SCIMP: variants seen among roughly 807,000 people sequenced by gnomAD.
SCIMP encodes SLP adapter and CSK-interacting membrane protein.
A neutral mutation model predicts 22.0 loss-of-function variants in SCIMP; 18 were observed. The observed-to-expected ratio is 0.82, with a 90% CI of 0.56 to 1.21. The LOEUF (loss-of-function observed/expected upper bound fraction) is 1.21, where lower values mean the gene tolerates loss of function less well. Among genes scored for constraint, SCIMP ranks in the 50% most tolerant of loss-of-function variants. The pLI is 0.00. For missense variants in SCIMP, 155 were observed against 171.2 expected, an observed-to-expected ratio of 0.91 and a Z score of 0.53; for synonymous variants, 53 against 62.2, an observed-to-expected ratio of 0.85 and a Z score of 0.70.
In SCIMP at chr17:5,214,463, G is replaced by A. The variant is rs186178909; in HGVS notation, c.283+462C>T. On this transcript the variant is annotated intron_variant, in intron 4 of 4. Coordinates refer to ENST00000574081, the MANE Select transcript of SCIMP (RefSeq NM_207103.3). ...CCCAGCTACTCAGGAGGCTGAGGTG[G>A]GAGAATGGTGTGAACCTGGGAGGCG... 668 of 154,480 alleles carry A rather than the reference G, an allele frequency of 4.3e-3. 1 individual carries two copies. Among genetic ancestry groups the A allele is most frequent in the Non-Finnish European group, 7.0e-3 (485 of 69,622 alleles). 9.6% of individuals were successfully genotyped at this position (154,480 alleles called of 1,614,324 possible). A position where few individuals can be genotyped will look rare whatever the true frequency, so the allele number is the denominator to read the frequency against.
intron 3 of SCIMP, among the ~76,000 whole-genome samples, chr17:5,216,020 G>A (rs1478097888): frequency 6.6e-6 from 1 of 151,888 alleles, no homozygotes; most frequent in East Asian, 1.9e-4. Context: ...GGGCAACACA[G>A]GGAGACCCAG....
At chr17:5,215,646 G>A (rs2074560442) in intron 3 of SCIMP, among the ~76,000 whole-genome samples, 1 of 151,960 alleles carries the variant, frequency 6.6e-6, no homozygotes, top group African/African-American at 2.4e-5. Context: ...AAAAACAAAA[G>A]CAGATGAACT....
At chr17:5,221,391 A>G (rs2074606729) in intron 2 of SCIMP, 41 bp from the exon 3 acceptor site, 2 of 1,495,498 alleles carry the variant, frequency 1.3e-6, no homozygotes, top group Non-Finnish European at 1.9e-6. Flanking sequence ...AGAATTAGCA[A>G]AAGTTGTGAT....
At chr17:5,215,263 T>C (rs895081093) in intron 3 of SCIMP, 2 of 356,132 alleles carry the variant, frequency 5.6e-6, no homozygotes, top group Non-Finnish European at 1.0e-5. Context: ...GGAGCACACC[T>C]TCCTGGTTCA....
At chr17:5,213,391 T>A in intron 4 of SCIMP, 1 of 248,456 alleles carries the variant, frequency 4.0e-6, no homozygotes, top group Non-Finnish European at 6.4e-6. Context: ...GGACTATAAG[T>A]GTGCACCATC....
intron 3 of SCIMP, among the ~76,000 whole-genome samples, chr17:5,216,686 C>CA (rs1003737910): frequency 6.6e-5 from 10 of 151,650 alleles, no homozygotes; most frequent in South Asian, 4.2e-4. Flanking sequence ...AAACAAAAAA[C>CA]AAAAAAAACC....
chr17:5,220,826 G>A (rs1282269791), intron 3 of SCIMP: 1 of 248,500 alleles, frequency 4.0e-6, no homozygotes, highest in South Asian at 4.3e-5. Flanking sequence ...GAGAAGCCAA[G>A]GTGGGTGGAT....
Position 5,210,968 on chromosome 17 carries a change from A to G in SCIMP, c.284-13T>C, listed in dbSNP as rs2074522292. 6.3e-7 allele frequency: 1 copy of G among 1,593,262 alleles called. No individual in the cohort carries two copies. The highest frequency in any genetic ancestry group is 1.4e-5 in the African/African-American group (1 of 73,422). On this transcript the variant is annotated splice_polypyrimidine_tract_variant and intron_variant, in intron 4 of 4. Coordinates refer to ENST00000574081, the MANE Select transcript of SCIMP (RefSeq NM_207103.3). ...GCTTCCTGTGGGGCTAGAATACACA[A>G]AAAGCTCCTTAGATGCAAAGCTGTC...
At chr17:5,222,277 G>A (rs973862931) in intron 2 of SCIMP, among the ~76,000 whole-genome samples, 23 of 151,818 alleles carry the variant, frequency 1.5e-4, no homozygotes, top group Admixed American at 1.4e-3. Context: ...ATTTTAAGTA[G>A]AAACGGGGTT....
intron 1 of SCIMP, among the ~76,000 whole-genome samples, chr17:5,225,800 G>A (rs1266588273): frequency 2.0e-5 from 3 of 151,672 alleles, no homozygotes; most frequent in Admixed American, 1.3e-4. Flanking sequence ...AGAGGGAGTT[G>A]TGAGAACCCC....
chr17:5,231,943 CT>C (rs2074699328), intron 1 of SCIMP, among the ~76,000 whole-genome samples: 1 of 152,154 alleles, frequency 6.6e-6, no homozygotes, highest in African/African-American at 2.4e-5. Flanking sequence ...GTAGTCCCAG[CT>C]ACTCGGGAGG....
chr17:5,233,651 G>T (rs965792889), intron 1 of SCIMP, among the ~76,000 whole-genome samples: 5 of 152,122 alleles, frequency 3.3e-5, no homozygotes, highest in Non-Finnish European at 7.4e-5. Context: ...GATTAGAGGC[G>T]TGAGCCACCA....
intron 2 of SCIMP, 159 bp downstream of exon 2, chr17:5,223,174 G>A (rs1007562248): frequency 5.7e-6 from 4 of 698,358 alleles, no homozygotes; most frequent in African/African-American, 1.8e-5. Context: ...GAGACATAAT[G>A]TAGTGGCAGG....
In SCIMP at chr17:5,219,492, G is replaced by A. The variant is rs139836126; in HGVS notation, c.209+1795C>T. On this transcript the variant is annotated intron_variant, in intron 3 of 4. Transcript: ENST00000574081. The stretch of plus-strand genomic sequence containing the variant: ...AAAATACAAAAATTAGCTGGGCATA[G>A]TGGCAGGTGCCTGTAATCCCAGCTG... Among the ~76,000 whole-genome samples the A allele has an allele frequency of 4.9e-3, 751 of 151,998 alleles. 9 individuals are homozygous for A. The highest frequency in any genetic ancestry group is 0.017 in the African/African-American group (724 of 41,462).
rs1009192718 is a variant in SCIMP at position 5,210,626 on chromosome 17, G to A, written c.*175C>T. The A allele has an allele frequency of 2.8e-5, 21 of 762,352 alleles. No individual in the cohort carries two copies. The highest frequency in any genetic ancestry group is 1.9e-4 in the African/African-American group (11 of 56,434). The allele number at this position is 762,352 out of a possible 1,614,324, so 47.2% of individuals were successfully genotyped here. A position where few individuals can be genotyped will look rare whatever the true frequency, so the allele number is the denominator to read the frequency against. ...GTGTCTCCTCTGGCTGCAGTCATCC[G>A]ATCGCAGGGGTGTCTTCATCTAAGG... On this transcript the variant is annotated 3_prime_UTR_variant, in exon 5 of 5. Transcript: ENST00000574081.
At position 5,210,698 on chromosome 17, in the gene SCIMP, C is replaced by G. The variant is rs1419839373; in HGVS notation, c.*103G>C. 3.4e-6 allele frequency: 5 copies of G among 1,453,218 alleles called. No individual in the cohort carries two copies. Among genetic ancestry groups the G allele is most frequent in the Non-Finnish European group, 4.6e-6 (5 of 1,081,976 alleles). 90.0% of individuals were successfully genotyped at this position (1,453,218 alleles called of 1,614,324 possible). A position where few individuals can be genotyped will look rare whatever the true frequency, so the allele number is the denominator to read the frequency against. ...TAGAGCTTCATAAAATCACCACTGGCTTTCAGGGCCCAGAGACCTACTGAA... is the reference window on the plus strand; with the variant it reads ...TAGAGCTTCATAAAATCACCACTGGGTTTCAGGGCCCAGAGACCTACTGAA... On this transcript the variant is annotated 3_prime_UTR_variant, in exon 5 of 5. Transcript: ENST00000574081.
intron 3 of SCIMP, among the ~76,000 whole-genome samples, chr17:5,219,961 C>A (rs1338596928): frequency 6.6e-6 from 1 of 152,192 alleles, no homozygotes; most frequent in Non-Finnish European, 1.5e-5. Context: ...CTGCTTTCTG[C>A]TAGACCCCAC....
Position 5,221,353 on chromosome 17 carries a change from AAG to A in SCIMP, c.146-5_146-4del, listed in dbSNP as rs2074606350. On this transcript the variant is annotated splice_region_variant and splice_polypyrimidine_tract_variant and intron_variant, in intron 2 of 4. Coordinates refer to ENST00000574081, the MANE Select transcript of SCIMP (RefSeq NM_207103.3). ...CTTGGCAATTTCCCATTTCTTGCCT[AAG>A]AGGGGAAAAGCATGTTCATTGAAGA... 3 of 1,609,606 alleles carry A rather than the reference AAG, an allele frequency of 1.9e-6. No individual in the cohort carries two copies. Among genetic ancestry groups the A allele is most frequent in the Non-Finnish European group, 2.6e-6 (3 of 1,176,000 alleles).
At position 5,215,013 on chromosome 17, in the gene SCIMP, A is replaced by G. The variant is rs1383312975; in HGVS notation, c.210-15T>C. On this transcript the variant is annotated splice_polypyrimidine_tract_variant and intron_variant, in intron 3 of 4. Transcript: ENST00000574081. The stretch of plus-strand genomic sequence containing the variant: ...TAAGAACATTCCTAGAGAGAGAGAA[A>G]GAGAGAGAATCAGTGTTTGGTTTGG... The G allele has an allele frequency of 1.9e-6, 3 of 1,575,314 alleles. No homozygotes were observed. The highest frequency in any genetic ancestry group is 2.6e-6 in the Non-Finnish European group (3 of 1,144,988).
Sources: gnomAD v4.1 joint callset for allele counts (sites outside exome capture counted in the v4.1 genomes callset) on GRCh38, gnomAD v4.1.1 for gene constraint, MANE v1.5 for transcripts, NCBI Gene and HGNC (gene_info 2026-07-23, HGNC 2026-07-21) for gene names.